Variants in FAM3B observed in about 807,000 individuals in gnomAD.
FAM3B encodes the protein FAM3 metabolism regulating signaling molecule B.
Under a neutral mutation model 28.4 loss-of-function variants are expected in FAM3B, and 29 were observed. The observed-to-expected ratio is 1.02, with a 90% CI of 0.76 to 1.39. The LOEUF is 1.39. FAM3B is among the 40% of genes most tolerant of loss of function. The probability of loss-of-function intolerance (pLI) is 0.00; values close to 1 mark genes in which losing one functional copy is unlikely to be tolerated. For synonymous variants in FAM3B, 91 were observed against 103.0 expected, an observed-to-expected ratio of 0.88 and a Z score of 0.71; for missense variants, 266 against 293.9, an observed-to-expected ratio of 0.91 and a Z score of 0.69.
chr21:41,311,251 A>AAAAAAAAAAAAAAAT (rs1555866518), intron 1 of FAM3B, among the ~76,000 whole-genome samples: 2 of 35,078 alleles, frequency 5.7e-5, no homozygotes, highest in Non-Finnish European at 9.4e-5. Context: ...AAAAAAAAAA[A>AAAAAAAAAAAAAAAT]ATATATATAT....
At chr21:41,331,424 A>G (rs977950002) in intron 2 of FAM3B, among the ~76,000 whole-genome samples, 1 of 152,210 alleles carries the variant, frequency 6.6e-6, no homozygotes, top group African/African-American at 2.4e-5. Flanking sequence ...TCTGCTGTGC[A>G]GAAGCTTTTT....
At chr21:41,322,080 C>A (rs1450172300) in intron 1 of FAM3B, among the ~76,000 whole-genome samples, 1 of 152,112 alleles carries the variant, frequency 6.6e-6, no homozygotes, top group Admixed American at 6.6e-5. Flanking sequence ...ATCCCTGCAT[C>A]GTAGCAATCT....
Position 41,348,601 on chromosome 21 carries a change from C to T in FAM3B, c.495C>T (p.Asn165=), listed in dbSNP as rs370045496. ...TCCCTTTGTCCTGCAGACTGAATAA[C>T]GATGCCAAGAATGCCATAGAAGCAC... ...TYDDGSTRLN[N]DAKNAIEALG... Residue 165 remains asparagine (N), a synonymous_variant, in exon 7 of 8, where the codon AAC becomes AAT. Coordinates refer to ENST00000357985, the MANE Select transcript of FAM3B (RefSeq NM_058186.4). 8.7e-5 allele frequency: 141 copies of T among 1,614,050 alleles called. 1 individual carries two copies. The South Asian group carries it at 9.3e-4, about 11-fold the overall frequency.
chr21:41,325,600 C>A (rs1245063466), intron 2 of FAM3B, among the ~76,000 whole-genome samples: 2 of 152,144 alleles, frequency 1.3e-5, no homozygotes, highest in East Asian at 3.8e-4. Context: ...AGCCAAGAAC[C>A]TGTATTTATT....
Position 41,347,013 on chromosome 21 carries a change from A to C in FAM3B, c.398A>C (p.Asp133Ala). ...AAAACTGACTTGCATCCCCCAATAG[A>C]TAACTCTGGACCGATGACAAAGTTT... The part of the protein sequence containing the change: ...ATRCFDMYEG[D>A]NSGPMTKFIQ... The change falls in exon 6 of 8, where the codon GAT becomes GCT. Residue 133 changes from aspartate to alanine, a missense_variant and splice_region_variant. By Grantham distance (126) the Asp-to-Ala change is moderately radical (BLOSUM62 -2). Coordinates refer to ENST00000357985, the MANE Select transcript of FAM3B (RefSeq NM_058186.4). 6.2e-7 allele frequency: 1 copy of C among 1,614,052 alleles called. No individual in the cohort carries two copies.
At position 41,347,121 on chromosome 21, in the gene FAM3B, C is replaced by T. The variant is rs368256800; in HGVS notation, c.485+21C>T. The T allele has an allele frequency of 3.7e-6, 6 of 1,610,408 alleles. No homozygotes were observed. The Middle Eastern group carries it at 4.9e-4, about 132-fold the overall frequency. On this transcript the variant is annotated intron_variant, in intron 6 of 7. Transcript: ENST00000357985. ...ACAAGGTGAGTGGGTGTAGGTCTGT[C>T]ACAGCGGTGGGCAAGAGAAGCCAGC... is the stretch of plus-strand genomic sequence containing the variant.
Position 41,338,496 on chromosome 21 carries a change from T to A in FAM3B, c.282T>A (p.Asp94Glu). 1 of 1,614,196 alleles carries A rather than the reference T, an allele frequency of 6.2e-7. No individual in the cohort carries two copies. Among genetic ancestry groups the A allele is most frequent in the South Asian group, 1.1e-5 (1 of 91,086 alleles). The stretch of plus-strand genomic sequence containing the variant: ...AGTACGCCAAAATCTGCTTTGAGGA[T>A]AACCTGTAAGTACCAGCGTTTAGAA... ...RSKYAKICFE[D>E]NLLMGEQLGN... is the part of the protein sequence containing the mutation. The change falls in exon 3 of 8, where the codon GAT becomes GAA. Residue 94 changes from aspartate to glutamate, a missense_variant. By Grantham distance (45) the Asp-to-Glu change is conservative. Transcript: ENST00000357985.
intron 1 of FAM3B, among the ~76,000 whole-genome samples, chr21:41,304,664 G>A (rs760616110): frequency 1.3e-4 from 20 of 152,246 alleles, no homozygotes; most frequent in African/African-American, 4.3e-4. Flanking sequence ...AGGAGCCCCC[G>A]ACCCCACACG....
upstream of FAM3B, among the ~76,000 whole-genome samples, chr21:41,314,093 A>T (rs915459191): frequency 2.6e-5 from 4 of 152,204 alleles, no homozygotes; most frequent in Non-Finnish European, 5.9e-5. Context: ...TTTGGGAGGT[A>T]ATTAGGCTCA....
At chr21:41,349,339 T>C (rs1261237064) in intron 7 of FAM3B, among the ~76,000 whole-genome samples, 1 of 152,122 alleles carries the variant, frequency 6.6e-6, no homozygotes, top group African/African-American at 2.4e-5. Flanking sequence ...AATCACAACA[T>C]CCTGGAGAAT....
At chr21:41,333,847 C>T (rs889510735) in intron 2 of FAM3B, among the ~76,000 whole-genome samples, 4 of 152,116 alleles carry the variant, frequency 2.6e-5, no homozygotes, top group Non-Finnish European at 5.9e-5. Flanking sequence ...TGTTTGTGAC[C>T]AAAATGCTGA....
upstream of FAM3B, among the ~76,000 whole-genome samples, chr21:41,313,481 A>G (rs1445705443): frequency 1.3e-5 from 2 of 148,944 alleles, no homozygotes; most frequent in Non-Finnish European, 1.5e-5. Context: ...GTCGCATTTG[A>G]TCCATTCTTG....
chr21:41,349,598 TGCTGTGGATACGGGTC>T (rs1332975184), intron 7 of FAM3B, among the ~76,000 whole-genome samples: 1 of 152,168 alleles, frequency 6.6e-6, no homozygotes, highest in Non-Finnish European at 1.5e-5. Flanking sequence ...TGCCTCCTTG[TGCTGTGGATACGGGTC>T]TGGGAAGAAA....
chr21:41,338,033 G>A (rs1327290107), intron 2 of FAM3B, among the ~76,000 whole-genome samples: 2 of 151,962 alleles, frequency 1.3e-5, no homozygotes. Flanking sequence ...AGCTCTCTTA[G>A]ACCCCTGTAA....
At position 41,316,812 on chromosome 21, in the gene FAM3B, A is replaced by G; in HGVS notation, c.-68A>G. The G allele has an allele frequency of 1.4e-6, 2 of 1,411,744 alleles. No homozygotes were observed. Among genetic ancestry groups the G allele is most frequent in the South Asian group, 2.9e-5 (2 of 69,034 alleles). 87.5% of individuals were successfully genotyped at this position (1,411,744 alleles called of 1,614,324 possible). On this transcript the variant is annotated 5_prime_UTR_variant, in exon 1 of 8. Coordinates refer to ENST00000357985, the MANE Select transcript of FAM3B (RefSeq NM_058186.4). Reference sequence around the variant, plus strand: ...TGCCCGCCCCTTGCCTTCCTGACCCAGGGGCTCCGCTGGCTGCGGTCGCCT... The same window carrying G: ...TGCCCGCCCCTTGCCTTCCTGACCCGGGGGCTCCGCTGGCTGCGGTCGCCT...
chr21:41,331,802 T>G (rs1183546132), intron 2 of FAM3B, among the ~76,000 whole-genome samples: 2 of 152,240 alleles, frequency 1.3e-5, no homozygotes, highest in Non-Finnish European at 2.9e-5. Flanking sequence ...ATTTCAATTT[T>G]GTCAAATTCT....
At chr21:41,344,262 C>A (rs1421484663) in intron 3 of FAM3B, among the ~76,000 whole-genome samples, 1 of 152,232 alleles carries the variant, frequency 6.6e-6, no homozygotes, top group Non-Finnish European at 1.5e-5. Context: ...GAGTCCAGGT[C>A]CCCTGAGGGA....
At position 41,338,491 on chromosome 21, in the gene FAM3B, G is replaced by A. The variant is rs2088975806; in HGVS notation, c.277G>A (p.Glu93Lys). ...AAGCAAGTACGCCAAAATCTGCTTT[G>A]AGGATAACCTGTAAGTACCAGCGTT... ...GRSKYAKICFEDNLLMGEQLG... is the reference protein window; with the variant it reads ...GRSKYAKICFKDNLLMGEQLG... Residue 93 changes from glutamate (E) to lysine (K), a missense_variant, in exon 3 of 8, where the codon GAG (glutamate) becomes AAG (lysine). Glu to Lys is a moderately conservative substitution (Grantham distance 56). Coordinates refer to ENST00000357985, the MANE Select transcript of FAM3B (RefSeq NM_058186.4). 6.2e-7 allele frequency: 1 copy of A among 1,614,054 alleles called. No individual in the cohort carries two copies. Among genetic ancestry groups the A allele is most frequent in the Non-Finnish European group, 8.5e-7 (1 of 1,180,018 alleles).
chr21:41,353,887 A>G (rs184473730), intron 7 of FAM3B, among the ~76,000 whole-genome samples: 2 of 152,250 alleles, frequency 1.3e-5, no homozygotes, highest in African/African-American at 4.8e-5. Context: ...AAATTTTTGC[A>G]AAGTACGCAT....
Sources: allele counts gnomAD v4.1 joint callset (sites outside exome capture counted in the v4.1 genomes callset), GRCh38; gene constraint gnomAD v4.1.1; transcripts MANE v1.5; gene names NCBI Gene and HGNC (gene_info 2026-07-23, HGNC 2026-07-21).